CGNL1: variants seen among roughly 807,000 people sequenced by gnomAD.
CGNL1 encodes the protein cingulin like 1.
In CGNL1, 132 loss-of-function variants were observed where a neutral mutation model predicts 141.2. The ratio of observed to expected loss-of-function variants is 0.93; its 90% CI spans 0.81 to 1.08. The LOEUF is 1.08. Ranked by LOEUF, CGNL1 falls within the 50% of genes least tolerant of loss-of-function variation. The probability of loss-of-function intolerance (pLI) is 0.00; values close to 1 mark genes in which losing one functional copy is unlikely to be tolerated. For synonymous variants in CGNL1, 690 were observed against 622.1 expected (o/e 1.11, Z -1.63); for missense variants, 1,870 against 1,588.6 (o/e 1.18, Z -3.01).
chr15:57,455,370 T>A (rs1275526051), intron 7 of CGNL1, among the ~76,000 whole-genome samples: 4 of 152,222 alleles, frequency 2.6e-5, no homozygotes, highest in African/African-American at 7.2e-5. Context: ...CTTGATTCCT[T>A]GTGTGAACAT....
chr15:57,459,707 C>T (rs2063422448), intron 7 of CGNL1, among the ~76,000 whole-genome samples: 1 of 152,138 alleles, frequency 6.6e-6, no homozygotes, highest in African/African-American at 2.4e-5. Flanking sequence ...GAAGATGTTG[C>T]AGAACTAACT....
intron 1 of CGNL1, among the ~76,000 whole-genome samples, chr15:57,410,683 G>T (rs550988147): frequency 2.0e-5 from 3 of 152,198 alleles, no homozygotes; most frequent in African/African-American, 7.2e-5. Flanking sequence ...CACAATATCG[G>T]AGGCTATATT....
Position 57,461,756 on chromosome 15 carries a change from G to A in CGNL1, c.2267G>A (p.Arg756Gln), listed in dbSNP as rs754144260. 8.1e-6 allele frequency: 13 copies of A among 1,614,024 alleles called. No homozygotes were observed. The highest frequency in any genetic ancestry group is 5.3e-5 in the African/African-American group (4 of 74,922). ...GAGCAAGAAGACCTCTTGAGAAAGC[G>A]AGAGCGTGAACTCACCGCCCTGAAG... is the stretch of plus-strand genomic sequence containing the variant. ...KEEQEDLLRK[R>Q]ERELTALKGA... The change falls in exon 8 of 19, where the codon CGA (arginine) becomes CAA (glutamine). Residue 756 changes from arginine to glutamine, a missense_variant. By Grantham distance (43) the Arg-to-Gln change is conservative (BLOSUM62 1). Transcript: ENST00000281282.
At chr15:57,529,297 T>G (rs1332631346) in intron 13 of CGNL1, among the ~76,000 whole-genome samples, 1 of 152,182 alleles carries the variant, frequency 6.6e-6, no homozygotes, top group Admixed American at 6.5e-5. Context: ...TTGCCAGAGC[T>G]CGCAGCACAC....
At chr15:57,475,651 ATCT>A (rs61020506) in intron 8 of CGNL1, among the ~76,000 whole-genome samples, 18,403 of 151,952 alleles carry the variant, frequency 0.12, 1,761 homozygotes, top group East Asian at 0.45. Flanking sequence ...ATCCCAAAGA[ATCT>A]TCTTCTTGCA....
At chr15:57,397,046 C>T (rs1175164925) in intron 1 of CGNL1, 2 of 152,048 alleles carry the variant, frequency 1.3e-5, no homozygotes, top group African/African-American at 2.4e-5. Context: ...GGGTTCAGGA[C>T]GGGGTCGCTA....
chr15:57,439,015 C>G lies in CGNL1; in HGVS notation c.1016C>G (p.Pro339Arg). ...HENRRYIPFLPGTGRDIDTGS... is the reference protein window; with the variant it reads ...HENRRYIPFLRGTGRDIDTGS... ...AACAGAAGGTATATTCCCTTCCTGC[C>G]AGGAACTGGACGGGATATTGATACA... The change falls in exon 2 of 19, where the codon CCA (proline) becomes CGA (arginine). Residue 339 changes from proline (P) to arginine (R), a missense_variant. Physicochemically the swap from Pro to Arg is moderately radical, Grantham distance 103. Transcript: ENST00000281282. 6.2e-7 allele frequency: 1 copy of G among 1,614,182 alleles called. No homozygotes were observed. Among genetic ancestry groups the G allele is most frequent in the South Asian group, 1.1e-5 (1 of 91,090 alleles).
chr15:57,447,219 C>T (rs569838058), intron 4 of CGNL1, among the ~76,000 whole-genome samples: 1 of 152,192 alleles, frequency 6.6e-6, no homozygotes, highest in Non-Finnish European at 1.5e-5. Context: ...AGAGAGGTCT[C>T]GCACATCTTT....
intron 1 of CGNL1, among the ~76,000 whole-genome samples, chr15:57,410,064 G>A (rs2062769501): frequency 6.6e-6 from 1 of 152,210 alleles, no homozygotes; most frequent in African/African-American, 2.4e-5. Context: ...GACCAGTGAG[G>A]ACTCACCACT....
intron 8 of CGNL1, among the ~76,000 whole-genome samples, chr15:57,476,928 C>T (rs1011540165): frequency 6.6e-5 from 10 of 152,284 alleles, no homozygotes; most frequent in Non-Finnish European, 7.3e-5. Flanking sequence ...AAGTCATGCA[C>T]GGGCCTTATC....
At chr15:57,459,691 A>C (rs746751868) in intron 7 of CGNL1, among the ~76,000 whole-genome samples, 2 of 152,192 alleles carry the variant, frequency 1.3e-5, no homozygotes, top group African/African-American at 4.8e-5. Flanking sequence ...GGTGACAGAA[A>C]GGATTGAAGA....
At chr15:57,513,256 GTGTGTGTGTGT>G (rs1567162807) in intron 8 of CGNL1, among the ~76,000 whole-genome samples, 1 of 110,798 alleles carries the variant, frequency 9.0e-6, no homozygotes, top group African/African-American at 3.5e-5. Flanking sequence ...CAATATGGGT[GTGTGTGTGTGT>G]GTGTGTGTGT....
chr15:57,539,046 T>C (rs2032423679), intron 14 of CGNL1, among the ~76,000 whole-genome samples: 1 of 152,144 alleles, frequency 6.6e-6, no homozygotes, highest in South Asian at 2.1e-4. Flanking sequence ...AGCGCCCAGC[T>C]TGAGGGGCTC....
At chr15:57,459,160 A>G (rs1180171733) in intron 7 of CGNL1, among the ~76,000 whole-genome samples, 4 of 152,336 alleles carry the variant, frequency 2.6e-5, no homozygotes, top group Non-Finnish European at 5.9e-5. Context: ...TTCCAAGAAA[A>G]CAGGTCGTGT....
At chr15:57,502,569 T>C (rs1193535540) in intron 8 of CGNL1, among the ~76,000 whole-genome samples, 2 of 152,168 alleles carry the variant, frequency 1.3e-5, no homozygotes, top group Non-Finnish European at 2.9e-5. Flanking sequence ...ATGGAAACTT[T>C]GGTAGGTCAG....
intron 8 of CGNL1, among the ~76,000 whole-genome samples, chr15:57,468,110 C>A (rs1340236921): frequency 6.6e-6 from 1 of 152,038 alleles, no homozygotes; most frequent in Non-Finnish European, 1.5e-5. Context: ...ATCAGCCATG[C>A]ATTGGTGTGT....
intron 10 of CGNL1, among the ~76,000 whole-genome samples, chr15:57,522,616 C>T (rs1402962144): frequency 1.3e-5 from 2 of 152,146 alleles, no homozygotes; most frequent in South Asian, 2.1e-4. Flanking sequence ...ATCCTTGTAC[C>T]TATGGCCCTA....
chr15:57,524,543 A>G, intron 11 of CGNL1, 38 bp from the exon 12 acceptor site: 1 of 1,580,304 alleles, frequency 6.3e-7, no homozygotes, highest in Non-Finnish European at 8.6e-7. Context: ...GTCTCAGAGC[A>G]TCCCAGGGTG....
chr15:57,543,132 AT>A (rs1442451910), intron 14 of CGNL1, among the ~76,000 whole-genome samples: 1 of 152,220 alleles, frequency 6.6e-6, no homozygotes, highest in Non-Finnish European at 1.5e-5. Context: ...CAGTAGGGAA[AT>A]GATTCCTTGC....
Sources: allele counts gnomAD v4.1 joint callset (sites outside exome capture counted in the v4.1 genomes callset), GRCh38; gene constraint gnomAD v4.1.1; transcripts MANE v1.5; gene names NCBI Gene and HGNC (gene_info 2026-07-23, HGNC 2026-07-21).